CORO2B: variants seen among roughly 807,000 people sequenced by gnomAD.
CORO2B encodes the protein coronin-2B.
CORO2B carries 26 observed loss-of-function variants against 58.8 expected under a neutral mutation model. The observed-to-expected ratio is 0.44, with a 90% CI of 0.32 to 0.61. The LOEUF (loss-of-function observed/expected upper bound fraction) is 0.61. Ranked by LOEUF, CORO2B falls within the 20% of genes least tolerant of loss-of-function variation. The probability of loss-of-function intolerance (pLI) is 0.04; values close to 1 mark genes in which losing one functional copy is unlikely to be tolerated. For missense variants in CORO2B, 460 were observed against 645.1 expected (o/e 0.71, Z 3.11); for synonymous variants, 242 against 253.8 (o/e 0.95, Z 0.44).
chr15:68,537,433 TGTA>T, the CORO2B span, among the ~76,000 whole-genome samples: 1 of 152,238 alleles, frequency 6.6e-6, no homozygotes, highest in Admixed American at 6.5e-5. Flanking sequence ...AGCCCATGGC[TGTA>T]GTAGGTCAGA....
intron 2 of CORO2B, among the ~76,000 whole-genome samples, chr15:68,682,697 C>T (rs1008276268): frequency 6.6e-6 from 1 of 152,102 alleles, no homozygotes; most frequent in Non-Finnish European, 1.5e-5. Context: ...CCTCACTTTT[C>T]GGAGGGAGAG....
intron 2 of CORO2B, among the ~76,000 whole-genome samples, chr15:68,659,434 T>C (rs1901937022): frequency 1.3e-5 from 2 of 152,322 alleles, no homozygotes; most frequent in South Asian, 4.1e-4. Flanking sequence ...GGAAACTGAC[T>C]GGACACAGTG....
the CORO2B span, among the ~76,000 whole-genome samples, chr15:68,561,976 C>G: frequency 6.6e-6 from 1 of 152,102 alleles, no homozygotes; most frequent in African/African-American, 2.4e-5. Context: ...CTGTAAGTGC[C>G]CTGTCCCCCC....
chr15:68,559,621 G>C, the CORO2B span: 1 of 985,218 alleles, frequency 1.0e-6, no homozygotes, highest in Non-Finnish European at 1.2e-6. The surrounding 1 kb of genome is among the most constrained non-coding windows in gnomAD (Gnocchi z 4.3). Context: ...ATGGTAAGAG[G>C]CCCCCAGACT....
chr15:68,614,500 A>T (rs1900307557), intron 1 of CORO2B, among the ~76,000 whole-genome samples: 1 of 152,200 alleles, frequency 6.6e-6, no homozygotes. Flanking sequence ...ACAAAGGAGC[A>T]TACCAGACCC....
the CORO2B span, among the ~76,000 whole-genome samples, chr15:68,572,349 G>A: frequency 6.6e-6 from 1 of 152,116 alleles, no homozygotes; most frequent in African/African-American, 2.4e-5. Context: ...GTTACCTGCC[G>A]CTTGCCTTGC....
upstream of CORO2B, among the ~76,000 whole-genome samples, chr15:68,578,238 T>C (rs777808562): frequency 1.4e-4 from 21 of 152,146 alleles, no homozygotes; most frequent in Non-Finnish European, 2.5e-4. The surrounding 1 kb of genome is among the most constrained non-coding windows in gnomAD (Gnocchi z 4.2). Context: ...TCAGTGGTAG[T>C]GTAGACAGTC....
chr15:68,645,233 G>A lies in CORO2B; in HGVS notation c.89G>A (p.Cys30Tyr). The A allele has an allele frequency of 6.2e-7, 1 of 1,614,200 alleles. No homozygotes were observed. Among genetic ancestry groups the A allele is most frequent in the Non-Finnish European group, 8.5e-7 (1 of 1,180,036 alleles). ...VYGKVANREH[C>Y]FDGIPITKNV... ...GGGAAGGTGGCCAACCGGGAGCACTGCTTCGATGGGATCCCCATCACCAAG... is the reference window on the plus strand; with the variant it reads ...GGGAAGGTGGCCAACCGGGAGCACTACTTCGATGGGATCCCCATCACCAAG... Residue 30 changes from cysteine (C) to tyrosine (Y), a missense_variant, in exon 2 of 12, where the codon TGC (cysteine) becomes TAC (tyrosine). Cys to Tyr is a radical substitution (Grantham distance 194). Coordinates refer to ENST00000261861, the MANE Select transcript of CORO2B (RefSeq NM_006091.5). This position sits in a 1 kb window ranked among gnomAD's most constrained non-coding sequence, Gnocchi z 4.5.
intron 2 of CORO2B, among the ~76,000 whole-genome samples, chr15:68,646,497 G>A (rs368451563): frequency 6.6e-6 from 1 of 152,210 alleles, no homozygotes; most frequent in Non-Finnish European, 1.5e-5. Flanking sequence ...GCACAGATTT[G>A]GAAAAGGCTT....
At position 68,673,835 on chromosome 15, in the gene CORO2B, TAAA is replaced by T. The variant is rs10579845; in HGVS notation, c.217-21284_217-21282del. Among the ~76,000 whole-genome samples the T allele has an allele frequency of 4.8e-3, 446 of 92,690 alleles. 5 individuals carry two copies. Among genetic ancestry groups the T allele is most frequent in the African/African-American group, 9.1e-3 (221 of 24,176 alleles). 60.8% of individuals were successfully genotyped at this position (92,690 alleles called of 152,430 possible). ...CTGGGCAACAGAGCGAGACTCCGTC[TAAA>T]AAAAAAAAAAAAAAAAAAAAGGACA... On this transcript the variant is annotated intron_variant, in intron 2 of 11. Coordinates refer to ENST00000261861, the MANE Select transcript of CORO2B (RefSeq NM_006091.5).
At chr15:68,600,357 G>T (rs1177428052) in intron 1 of CORO2B, among the ~76,000 whole-genome samples, 2 of 152,138 alleles carry the variant, frequency 1.3e-5, no homozygotes, top group African/African-American at 4.8e-5. Context: ...TGGTTTGTGA[G>T]CCAGGGACAT....
intron 2 of CORO2B, among the ~76,000 whole-genome samples, chr15:68,692,600 A>AAT (rs1183733221): frequency 4.0e-5 from 6 of 148,204 alleles, no homozygotes; most frequent in African/African-American, 1.5e-4. Flanking sequence ...CAAATAAATA[A>AAT]AAAAAATTAA....
intron 1 of CORO2B, among the ~76,000 whole-genome samples, chr15:68,604,588 C>G (rs1449527238): frequency 6.6e-6 from 1 of 151,248 alleles, no homozygotes; most frequent in South Asian, 2.1e-4. Flanking sequence ...TCTGGAAAGG[C>G]TGGAGTCCTC....
chr15:68,604,959 C>G (rs1181421230), intron 1 of CORO2B, among the ~76,000 whole-genome samples: 1 of 151,840 alleles, frequency 6.6e-6, no homozygotes, highest in Non-Finnish European at 1.5e-5. Flanking sequence ...ACTAAAAACA[C>G]AAAAATTAGC....
At chr15:68,658,337 C>T (rs543844837) in intron 2 of CORO2B, among the ~76,000 whole-genome samples, 3 of 152,194 alleles carry the variant, frequency 2.0e-5, no homozygotes, top group Non-Finnish European at 2.9e-5. Flanking sequence ...CTCTCCAAAG[C>T]GACAGCTGGG....
chr15:68,573,626 C>T, the CORO2B span, among the ~76,000 whole-genome samples: 1 of 152,096 alleles, frequency 6.6e-6, no homozygotes, highest in Non-Finnish European at 1.5e-5. Flanking sequence ...TGGGGGACAG[C>T]GGCTGGGTGA....
chr15:68,561,707 G>T, the CORO2B span, among the ~76,000 whole-genome samples: 1 of 152,194 alleles, frequency 6.6e-6, no homozygotes, highest in South Asian at 2.1e-4. Flanking sequence ...TGCTCTGTCT[G>T]TTATCGTGTA....
the CORO2B span, among the ~76,000 whole-genome samples, chr15:68,529,090 A>G: frequency 6.6e-6 from 1 of 152,174 alleles, no homozygotes. Context: ...TTTCCTGGAC[A>G]AACAAAGGGA....
chr15:68,671,071 A>G (rs999411313), intron 2 of CORO2B, among the ~76,000 whole-genome samples: 2 of 152,212 alleles, frequency 1.3e-5, no homozygotes, highest in African/African-American at 4.8e-5. Context: ...AGGGAATTGC[A>G]TAAGGTATTG....
Sources: allele counts gnomAD v4.1 joint callset (sites outside exome capture counted in the v4.1 genomes callset), GRCh38; gene constraint gnomAD v4.1.1; non-coding constraint Gnocchi (gnomAD v3.1); transcripts MANE v1.5; gene names NCBI Gene and HGNC (gene_info 2026-07-23, HGNC 2026-07-21).